Variants in BTBD9 observed in about 807,000 individuals in gnomAD.
BTBD9 encodes the protein BTB/POZ domain-containing protein 9.
In BTBD9, 49 loss-of-function variants were observed where a neutral mutation model predicts 64.3. The ratio of observed to expected loss-of-function variants is 0.76; its 90% CI spans 0.61 to 0.97. The LOEUF (loss-of-function observed/expected upper bound fraction) is 0.97, where lower values mean the gene tolerates loss of function less well. Among genes scored for constraint, BTBD9 ranks in the 50% least tolerant of loss-of-function variants. The pLI is 0.00. For synonymous variants in BTBD9, 260 were observed against 274.7 expected (o/e 0.95, Z 0.53); for missense variants, 598 against 762.1 (o/e 0.78, Z 2.53).
intron 1 of BTBD9, among the ~76,000 whole-genome samples, chr6:38,639,030 T>C (rs959941711): frequency 6.6e-6 from 1 of 152,184 alleles, no homozygotes; most frequent in Non-Finnish European, 1.5e-5. Context: ...CTGTACTGCC[T>C]TTAGGAAAAA....
chr6:38,224,554 C>T (rs895004447), intron 9 of BTBD9, among the ~76,000 whole-genome samples: 1 of 152,176 alleles, frequency 6.6e-6, no homozygotes, highest in African/African-American at 2.4e-5. Context: ...CCAAAATACA[C>T]ACAATGGAGA....
chr6:38,291,953 T>C (rs1761979404), intron 7 of BTBD9, among the ~76,000 whole-genome samples: 1 of 150,312 alleles, frequency 6.7e-6, no homozygotes, highest in Non-Finnish European at 1.5e-5. Context: ...CCTGCAATTT[T>C]CTTTTTTCTT....
At chr6:38,442,259 G>A (rs9349085) in intron 6 of BTBD9, among the ~76,000 whole-genome samples, 20,491 of 151,888 alleles carry the variant, frequency 0.13, 1,632 homozygotes, top group East Asian at 0.33. Flanking sequence ...AGGCCGAGGC[G>A]GGCAGGTCAC....
chr6:38,490,160 T>C (rs1771639425), intron 6 of BTBD9, among the ~76,000 whole-genome samples: 1 of 152,192 alleles, frequency 6.6e-6, no homozygotes, highest in African/African-American at 2.4e-5. Context: ...GTAGAAACGC[T>C]ACCAGATGGA....
At chr6:38,555,092 A>G (rs1774957965) in intron 6 of BTBD9, among the ~76,000 whole-genome samples, 1 of 152,332 alleles carries the variant, frequency 6.6e-6, no homozygotes, top group Non-Finnish European at 1.5e-5. Flanking sequence ...TGATTTAATG[A>G]GTGACCTGCA....
chr6:38,326,453 G>T (rs937522802), intron 7 of BTBD9, among the ~76,000 whole-genome samples: 2 of 152,100 alleles, frequency 1.3e-5, no homozygotes, highest in Admixed American at 1.3e-4. Flanking sequence ...CAACGCTGGG[G>T]GGAGCGTGGA....
intron 8 of BTBD9, among the ~76,000 whole-genome samples, chr6:38,285,572 T>C (rs2127553777): frequency 6.6e-6 from 1 of 152,080 alleles, no homozygotes; most frequent in South Asian, 2.1e-4. Context: ...ACGGAGAACA[T>C]TAAAAGAGAG....
intron 1 of BTBD9, among the ~76,000 whole-genome samples, chr6:38,627,278 A>AAT: frequency 6.6e-6 from 1 of 152,242 alleles, no homozygotes; most frequent in Non-Finnish European, 1.5e-5. Flanking sequence ...TTAAATTCTC[A>AAT]TAATCCAAAT....
chr6:38,403,018 A>G (rs1767004848), intron 6 of BTBD9: 1 of 341,942 alleles, frequency 2.9e-6, no homozygotes, highest in Admixed American at 4.4e-5. Context: ...GGCTGCAGTG[A>G]GCTATCATTG....
chr6:38,447,796 G>A (rs1041940453), intron 6 of BTBD9, among the ~76,000 whole-genome samples: 1 of 152,152 alleles, frequency 6.6e-6, no homozygotes, highest in Non-Finnish European at 1.5e-5. Context: ...AGTTTATCAT[G>A]TCAGAAAAAC....
At chr6:38,427,282 G>C (rs1196928400) in intron 6 of BTBD9, among the ~76,000 whole-genome samples, 1 of 151,690 alleles carries the variant, frequency 6.6e-6, no homozygotes, top group Non-Finnish European at 1.5e-5. Context: ...TTGAGCCCAG[G>C]AGTTTGAGAC....
intron 6 of BTBD9, among the ~76,000 whole-genome samples, chr6:38,414,610 G>A (rs1393459539): frequency 6.6e-6 from 1 of 151,770 alleles, no homozygotes; most frequent in African/African-American, 2.4e-5. Flanking sequence ...CCTGCCATTG[G>A]TCTTCCACCC....
chr6:38,423,516 G>A (rs1275931219), intron 6 of BTBD9, among the ~76,000 whole-genome samples: 2 of 151,990 alleles, frequency 1.3e-5, no homozygotes, highest in Non-Finnish European at 2.9e-5. Context: ...TATTGCCCAG[G>A]GTGGTCTCAA....
intron 6 of BTBD9, among the ~76,000 whole-genome samples, chr6:38,436,085 T>C (rs1768723650): frequency 6.6e-6 from 1 of 151,910 alleles, no homozygotes; most frequent in African/African-American, 2.4e-5. Flanking sequence ...TTAAGTATCC[T>C]GAAACTGAAA....
chr6:38,208,633 C>G (rs1762734357), intron 9 of BTBD9, among the ~76,000 whole-genome samples: 1 of 152,208 alleles, frequency 6.6e-6, no homozygotes, highest in Admixed American at 6.5e-5. Context: ...CCCCAGATCT[C>G]TGATACCAGT....
intron 1 of BTBD9, among the ~76,000 whole-genome samples, chr6:38,615,560 C>T (rs1168501960): frequency 7.2e-5 from 11 of 152,172 alleles, no homozygotes; most frequent in African/African-American, 2.7e-4. Context: ...ATTACCTTCC[C>T]TCTACCAGAA....
At chr6:38,525,919 T>C (rs1460823547) in intron 6 of BTBD9, among the ~76,000 whole-genome samples, 1 of 152,144 alleles carries the variant, frequency 6.6e-6, no homozygotes, top group East Asian at 1.9e-4. Context: ...AGTGTAAAAG[T>C]TTGGAAAATT....
In BTBD9 at chr6:38,468,205, T is replaced by A. The variant is rs552655134; in HGVS notation, c.1154+109395A>T. On this transcript the variant is annotated intron_variant, in intron 6 of 10. Transcript: ENST00000481247. ...CCCAGCACATCCTTCTAAAGCACAG[T>A]TCTGACTGGGTAATTTCCTAGTTTT... Among the ~76,000 whole-genome samples, 9 of 152,254 alleles carry A rather than the reference T, an allele frequency of 5.9e-5. No homozygotes were observed. In the South Asian group the frequency reaches 1.2e-3, roughly 21 times the overall value.
chr6:38,546,180 C>G lies in BTBD9; in HGVS notation c.1154+31420G>C, dbSNP rs1774547254. 1.3e-5 allele frequency among the ~76,000 whole-genome samples: 2 copies of G among 152,174 alleles called. 1 individual carries two copies. The highest frequency in any genetic ancestry group is 4.1e-4 in the South Asian group (2 of 4,822). On this transcript the variant is annotated intron_variant, in intron 6 of 10. Transcript: ENST00000481247. ...CTCTTTCCTGATATAGGCCTTGCCCCTTCCTGTTAGACTTTCTTGTTCTTC... is the reference window on the plus strand; with the variant it reads ...CTCTTTCCTGATATAGGCCTTGCCCGTTCCTGTTAGACTTTCTTGTTCTTC...
Sources: allele counts gnomAD v4.1 joint callset (sites outside exome capture counted in the v4.1 genomes callset), GRCh38; gene constraint gnomAD v4.1.1; transcripts MANE v1.5; gene names NCBI Gene and HGNC (gene_info 2026-07-23, HGNC 2026-07-21).